RBBP8: variants seen among roughly 807,000 people sequenced by gnomAD.
RBBP8 encodes the protein RB binding protein 8, endonuclease.
RBBP8 carries 88 observed loss-of-function variants against 108.3 expected under a neutral mutation model. The ratio of observed to expected loss-of-function variants is 0.81; its 90% CI spans 0.68 to 0.97. The LOEUF (loss-of-function observed/expected upper bound fraction) is 0.97. RBBP8 is among the 50% of genes least tolerant of loss of function. The pLI, the probability that RBBP8 is intolerant of heterozygous loss-of-function variation, is 0.00. For missense variants in RBBP8, 1,023 were observed against 1,049.0 expected, an observed-to-expected ratio of 0.98 and a Z score of 0.34; for synonymous variants, 332 against 348.2, an observed-to-expected ratio of 0.95 and a Z score of 0.52.
chr18:22,978,425 TG>T (rs1020925562), intron 6 of RBBP8, among the ~76,000 whole-genome samples: 2 of 152,218 alleles, frequency 1.3e-5, no homozygotes, highest in African/African-American at 2.4e-5. Flanking sequence ...TATGGAGTTT[TG>T]TTTTTTCCTT....
chr18:22,992,512 A>G (rs1374847061), intron 10 of RBBP8, among the ~76,000 whole-genome samples: 2 of 152,186 alleles, frequency 1.3e-5, no homozygotes, highest in Admixed American at 1.3e-4. Flanking sequence ...GATTTTTTGT[A>G]TAATAAAGTT....
chr18:22,949,061 T>C (rs1339613933), intron 3 of RBBP8, among the ~76,000 whole-genome samples: 2 of 152,194 alleles, frequency 1.3e-5, no homozygotes, highest in East Asian at 1.9e-4. Context: ...TTAATACTTA[T>C]TTCTCAGACC....
At chr18:22,959,061 A>T (rs193211693) in intron 4 of RBBP8, among the ~76,000 whole-genome samples, 2 of 152,362 alleles carry the variant, frequency 1.3e-5, no homozygotes, top group Admixed American at 1.3e-4. Flanking sequence ...CCTTGGGGAT[A>T]CACCAGTGAA....
chr18:23,006,339 G>A (rs2046047179), intron 15 of RBBP8, 24 bp from the exon 16 acceptor site: 3 of 1,591,632 alleles, frequency 1.9e-6, no homozygotes, highest in Non-Finnish European at 2.6e-6. Context: ...CATTTAGTTT[G>A]TAATGTGCAT....
At chr18:22,980,156 G>C (rs1914798047) in intron 6 of RBBP8, among the ~76,000 whole-genome samples, 1 of 152,036 alleles carries the variant, frequency 6.6e-6, no homozygotes. Flanking sequence ...TGAGGCACTA[G>C]AATCACTACA....
At chr18:23,000,098 C>T (rs907743277) in intron 14 of RBBP8, among the ~76,000 whole-genome samples, 2 of 152,178 alleles carry the variant, frequency 1.3e-5, no homozygotes, top group African/African-American at 4.8e-5. Context: ...CCTTATGGAA[C>T]GTACATTCTA....
intron 4 of RBBP8, among the ~76,000 whole-genome samples, chr18:22,966,493 C>G (rs1913594143): frequency 6.7e-6 from 1 of 149,966 alleles, no homozygotes; most frequent in African/African-American, 2.4e-5. Context: ...AATCCCAGTA[C>G]TTTGGGAGGC....
chr18:22,932,612 G>A (rs542368563), upstream of RBBP8, among the ~76,000 whole-genome samples: 1 of 152,136 alleles, frequency 6.6e-6, no homozygotes, highest in South Asian at 2.1e-4. Context: ...CAAAAGTACT[G>A]GACTGGTTTA....
chr18:22,948,787 G>C (rs186721874), intron 3 of RBBP8, among the ~76,000 whole-genome samples: 2 of 152,122 alleles, frequency 1.3e-5, no homozygotes, highest in African/African-American at 4.8e-5. Context: ...TACATTTTCA[G>C]CTTCAAGACT....
chr18:22,968,953 T>C lies in RBBP8; in HGVS notation c.361+35T>C, dbSNP rs377591186. The stretch of plus-strand genomic sequence containing the variant: ...CTTTCTTCATTTATTATTTAAAGTA[T>C]GTAATGTATTATTTTTAAGACCTAT... On this transcript the variant is annotated intron_variant, in intron 5 of 18. Transcript: ENST00000327155. 546 of 1,470,788 alleles carry C rather than the reference T, an allele frequency of 3.7e-4. 1 individual carries two copies. The highest frequency in any genetic ancestry group is 4.8e-4 in the Non-Finnish European group (507 of 1,060,296). The allele number at this position is 1,470,788 out of a possible 1,614,324, so 91.1% of individuals were successfully genotyped here. A position where few individuals can be genotyped will look rare whatever the true frequency, so the allele number is the denominator to read the frequency against.
At chr18:22,968,392 G>A (rs895120709) in intron 4 of RBBP8, among the ~76,000 whole-genome samples, 1 of 152,074 alleles carries the variant, frequency 6.6e-6, no homozygotes, top group African/African-American at 2.4e-5. Flanking sequence ...AATAAATTTT[G>A]ATGAATTTAA....
In RBBP8 at chr18:22,964,945, T is replaced by C. The variant is rs533235523; in HGVS notation, c.249-3861T>C. On this transcript the variant is annotated intron_variant, in intron 4 of 18. Transcript: ENST00000327155. Reference sequence around the variant, plus strand: ...ATTGTAGATAGGTTCTTGGAAACTATGACTTTAAAAGAAATGACCTACAGC... The same window carrying C: ...ATTGTAGATAGGTTCTTGGAAACTACGACTTTAAAAGAAATGACCTACAGC... 1.2e-4 allele frequency among the ~76,000 whole-genome samples: 18 copies of C among 152,270 alleles called. No individual in the cohort carries two copies. In the South Asian group the frequency reaches 3.7e-3, roughly 32 times the overall value.
intron 8 of RBBP8, among the ~76,000 whole-genome samples, chr18:22,986,405 G>C (rs1385654910): frequency 3.3e-5 from 5 of 152,188 alleles, no homozygotes; most frequent in African/African-American, 1.2e-4. Context: ...AGGTGTAATG[G>C]TGACCATCTG....
At chr18:22,925,805 C>A (rs1015051975) in intron 3 of RBBP8, among the ~76,000 whole-genome samples, 3 of 152,154 alleles carry the variant, frequency 2.0e-5, no homozygotes, top group African/African-American at 7.2e-5. Flanking sequence ...CAGCTTGTAT[C>A]ATGGTAGCAT....
intron 3 of RBBP8, among the ~76,000 whole-genome samples, chr18:22,927,946 T>C (rs1327286414): frequency 6.7e-6 from 1 of 149,478 alleles, no homozygotes; most frequent in Admixed American, 6.7e-5. Flanking sequence ...TGGTGGCTCA[T>C]GCCTGTAATC....
chr18:22,931,734 G>A (rs557228228), upstream of RBBP8, among the ~76,000 whole-genome samples: 1 of 152,272 alleles, frequency 6.6e-6, no homozygotes, highest in East Asian at 1.9e-4. Flanking sequence ...TAAGCAGTCA[G>A]TCCAAAGTCA....
rs1370722058 is a variant in RBBP8 at position 22,996,403 on chromosome 18, A to G, written c.1969A>G (p.Ile657Val). The change falls in exon 13 of 19, where the codon ATA becomes GTA. Residue 657 changes from isoleucine (I) to valine (V), a missense_variant. Physicochemically the swap from Ile to Val is conservative, Grantham distance 29 (BLOSUM62 3). Transcript: ENST00000327155. ...ATCCTTTGAAAATATCCAGTGGAGT[A>G]TAGATCCGGGAGCAGACCTTTCTCA... ...DVSFENIQWS[I>V]DPGADLSQYK... The G allele has an allele frequency of 5.6e-6, 9 of 1,613,552 alleles. No individual in the cohort carries two copies. Among genetic ancestry groups the G allele is most frequent in the Non-Finnish European group, 7.6e-6 (9 of 1,179,876 alleles).
At chr18:22,962,477 G>C (rs1482930884) in intron 4 of RBBP8, among the ~76,000 whole-genome samples, 1 of 152,010 alleles carries the variant, frequency 6.6e-6, no homozygotes, top group Non-Finnish European at 1.5e-5. Flanking sequence ...ATTGCACCAA[G>C]TTCCCCAACC....
chr18:22,973,558 C>T (rs1332078902), intron 5 of RBBP8, among the ~76,000 whole-genome samples: 1 of 150,956 alleles, frequency 6.6e-6, no homozygotes, highest in East Asian at 1.9e-4. Flanking sequence ...TTAATGACCA[C>T]CTGACTTTTT....
Sources: gnomAD v4.1 joint callset for allele counts (sites outside exome capture counted in the v4.1 genomes callset) on GRCh38, gnomAD v4.1.1 for gene constraint, MANE v1.5 for transcripts, NCBI Gene and HGNC (gene_info 2026-07-23, HGNC 2026-07-21) for gene names.